DCDC1: variants seen among roughly 807,000 people sequenced by gnomAD.
The protein encoded by DCDC1 is doublecortin domain-containing protein 1.
DCDC1 carries 200 observed loss-of-function variants against 178.3 expected under a neutral mutation model. That is an observed-to-expected ratio of 1.12 (90% CI 1.00 to 1.26). The LOEUF (loss-of-function observed/expected upper bound fraction) is 1.26, where lower values mean the gene tolerates loss of function less well. DCDC1 is among the 50% of genes most tolerant of loss of function. DCDC1 has a pLI of 0.00. For synonymous variants in DCDC1, 690 were observed against 604.8 expected (o/e 1.14, Z -2.07); for missense variants, 1,983 against 1,749.2 (o/e 1.13, Z -2.38).
At chr11:31,198,490 CAAAAT>C (rs1424020078) in intron 9 of DCDC1, among the ~76,000 whole-genome samples, 1 of 151,972 alleles carries the variant, frequency 6.6e-6, no homozygotes, top group East Asian at 1.9e-4. Context: ...CAGGCCACAT[CAAAAT>C]ATAATATTAT....
chr11:30,961,631 T>G (rs748847699), intron 20 of DCDC1, among the ~76,000 whole-genome samples: 3 of 152,094 alleles, frequency 2.0e-5, no homozygotes, highest in Non-Finnish European at 4.4e-5. Flanking sequence ...TAAAATGGTA[T>G]GTTTCCGTAG....
At chr11:31,367,767 C>T (rs899157263) in intron 1 of DCDC1, among the ~76,000 whole-genome samples, 16 of 152,200 alleles carry the variant, frequency 1.1e-4, no homozygotes, top group Admixed American at 1.0e-3. Context: ...GCACTTACGG[C>T]TTACATTATA....
chr11:31,263,108 G>A, intron 8 of DCDC1: 1 of 1,606,372 alleles, frequency 6.2e-7, no homozygotes, highest in Non-Finnish European at 8.5e-7. Flanking sequence ...TACCATATTT[G>A]GGAGGAGAAA....
intron 13 of DCDC1, among the ~76,000 whole-genome samples, chr11:31,104,016 C>A (rs915564671): frequency 6.6e-6 from 1 of 151,984 alleles, no homozygotes; most frequent in Non-Finnish European, 1.5e-5. Flanking sequence ...ATAATAATTG[C>A]AATAATTAAA....
At chr11:30,897,917 G>A (rs920560802) in intron 34 of DCDC1, among the ~76,000 whole-genome samples, 2 of 152,138 alleles carry the variant, frequency 1.3e-5, no homozygotes, top group Non-Finnish European at 2.9e-5. Context: ...CATTACCCTA[G>A]GCTTGGAATG....
At chr11:30,952,644 G>A (rs992198651) in intron 20 of DCDC1, 76 bp from the exon 21 acceptor site, 12 of 613,720 alleles carry the variant, frequency 2.0e-5, no homozygotes, top group Non-Finnish European at 1.3e-5. Context: ...TTTATTCATT[G>A]AGTACTTACT....
intron 1 of DCDC1, among the ~76,000 whole-genome samples, 158 bp from the exon 2 acceptor site, chr11:31,335,722 A>C (rs2133166012): frequency 6.6e-6 from 1 of 152,184 alleles, no homozygotes; most frequent in Non-Finnish European, 1.5e-5. Flanking sequence ...TTTTCTACAG[A>C]CCCAAGGGTT....
At chr11:30,892,725 A>G (rs1943891424) in intron 36 of DCDC1, 93 bp downstream of exon 36, 1 of 1,446,474 alleles carries the variant, frequency 6.9e-7, no homozygotes. Flanking sequence ...AATGAGGTTC[A>G]TAGAAGTAAT....
At chr11:31,287,240 CA>C (rs544867043) in intron 7 of DCDC1, among the ~76,000 whole-genome samples, 6 of 148,756 alleles carry the variant, frequency 4.0e-5, no homozygotes, top group South Asian at 4.2e-4. Flanking sequence ...AACAAACAAA[CA>C]AAAAAAAACA....
At chr11:31,086,927 T>C (rs1490765360) in intron 17 of DCDC1, among the ~76,000 whole-genome samples, 1 of 152,186 alleles carries the variant, frequency 6.6e-6, no homozygotes, top group Non-Finnish European at 1.5e-5. Context: ...TTCCTTCTTA[T>C]TTCTTTTCTG....
intron 20 of DCDC1, among the ~76,000 whole-genome samples, chr11:30,959,715 G>T (rs1008688430): frequency 7.2e-5 from 11 of 152,088 alleles, no homozygotes; most frequent in Admixed American, 4.6e-4. Flanking sequence ...GAAGTGAGGG[G>T]GACTCAATGC....
At chr11:31,035,409 A>G (rs1216037656) in intron 20 of DCDC1, among the ~76,000 whole-genome samples, 1 of 152,228 alleles carries the variant, frequency 6.6e-6, no homozygotes, top group Non-Finnish European at 1.5e-5. Flanking sequence ...GACCTGTGAT[A>G]ATTTGTCAGT....
chr11:30,943,407 T>A (rs942135415), intron 21 of DCDC1: 1 of 245,560 alleles, frequency 4.1e-6, no homozygotes, highest in Non-Finnish European at 8.2e-6. Context: ...CATCTCTCAA[T>A]AGAGTAATAA....
At position 30,903,616 on chromosome 11, in the gene DCDC1, C is replaced by T; in HGVS notation, c.4376G>A (p.Gly1459Glu). The part of the protein sequence containing the change: ...RAASKVYTKD[G>E]TPIFTLRDLV... Reference sequence around the variant, plus strand: ...ATCACGCAAGGTAAAGATTGGGGTTCCATCTTTGGTATATACTTTGGAGGC... The same window carrying T: ...ATCACGCAAGGTAAAGATTGGGGTTTCATCTTTGGTATATACTTTGGAGGC... Residue 1459 changes from glycine to glutamate, a missense_variant, in exon 32 of 39, where the codon GGA becomes GAA. By Grantham distance (98) the Gly-to-Glu change is moderately conservative. Coordinates refer to ENST00000684477, the MANE Select transcript of DCDC1 (RefSeq NM_001387274.1). 1.9e-6 allele frequency: 3 copies of T among 1,611,522 alleles called. No homozygotes were observed. Among genetic ancestry groups the T allele is most frequent in the South Asian group, 2.2e-5 (2 of 90,396 alleles).
chr11:31,062,575 T>C (rs1300242646), intron 20 of DCDC1, among the ~76,000 whole-genome samples: 2 of 152,100 alleles, frequency 1.3e-5, no homozygotes, highest in East Asian at 3.9e-4. Context: ...TGACACCCCA[T>C]ATTATGATAC....
chr11:31,188,390 G>A (rs1047090057), intron 9 of DCDC1, among the ~76,000 whole-genome samples: 3 of 152,054 alleles, frequency 2.0e-5, no homozygotes, highest in South Asian at 2.1e-4. Context: ...GTGCATCTAC[G>A]CATCAGGAAC....
chr11:30,907,889 C>A (rs78269917), intron 29 of DCDC1, among the ~76,000 whole-genome samples: 3,320 of 152,242 alleles, frequency 0.022, 128 homozygotes, highest in African/African-American at 0.074. Context: ...TAAGTGACAT[C>A]AATAGAAAGA....
At chr11:31,294,306 GCTGTGGCTCATGCCTGT>G (rs961227330) in intron 6 of DCDC1, among the ~76,000 whole-genome samples, 2 of 151,962 alleles carry the variant, frequency 1.3e-5, no homozygotes, top group African/African-American at 4.8e-5. Context: ...CAGAATGGGC[GCTGTGGCTCATGCCTGT>G]AATTACCCAG....
intron 34 of DCDC1, among the ~76,000 whole-genome samples, chr11:30,897,246 A>C (rs1944296632): frequency 6.6e-6 from 1 of 152,196 alleles, no homozygotes; most frequent in Admixed American, 6.5e-5. Flanking sequence ...GACCAAATAC[A>C]GAGTTTTAAA....
Sources: allele counts gnomAD v4.1 joint callset (sites outside exome capture counted in the v4.1 genomes callset), GRCh38; gene constraint gnomAD v4.1.1; transcripts MANE v1.5; gene names NCBI Gene and HGNC (gene_info 2026-07-23, HGNC 2026-07-21).